The following COBL variants were observed in gnomAD, a reference collection of about 807,000 sequenced individuals.
COBL encodes the protein cordon-bleu WH2 repeat protein.
COBL carries 51 observed loss-of-function variants against 98.8 expected under a neutral mutation model. That is an observed-to-expected ratio of 0.52 (90% CI 0.41 to 0.65). The LOEUF (loss-of-function observed/expected upper bound fraction) is 0.65. COBL is among the 30% of genes least tolerant of loss of function. The pLI is 0.00. For synonymous variants in COBL, 634 were observed against 651.7 expected (o/e 0.97, Z 0.41); for missense variants, 1,617 against 1,617.5 (o/e 1.00, Z 0.01).
intron 5 of COBL, 37 bp downstream of exon 5, chr7:51,184,065 A>T: frequency 9.4e-7 from 1 of 1,066,520 alleles, no homozygotes; most frequent in Non-Finnish European, 1.4e-6. Flanking sequence ...TATTTTTTTT[A>T]CATGATACAA....
chr7:51,121,530 G>C (rs1330000346), intron 6 of COBL, among the ~76,000 whole-genome samples: 1 of 152,148 alleles, frequency 6.6e-6, no homozygotes, highest in Non-Finnish European at 1.5e-5. Flanking sequence ...CTAAAATTTT[G>C]TAAGTTTGGT....
chr7:51,032,462 G>C (rs947356463), intron 8 of COBL: 2 of 152,350 alleles, frequency 1.3e-5, no homozygotes, highest in African/African-American at 2.4e-5. Flanking sequence ...TAAAAATTGA[G>C]GACCAATTTC....
chr7:51,225,457 G>C (rs1370345236), intron 1 of COBL, among the ~76,000 whole-genome samples: 1 of 152,266 alleles, frequency 6.6e-6, no homozygotes, highest in East Asian at 1.9e-4. Flanking sequence ...CACACAGGCT[G>C]GGTAATCCAG....
intron 1 of COBL, among the ~76,000 whole-genome samples, chr7:51,301,707 G>A (rs1241189773): frequency 2.0e-5 from 3 of 152,256 alleles, no homozygotes; most frequent in East Asian, 1.9e-4. Flanking sequence ...CCACCGCTAC[G>A]TGGTTCCAAG....
intron 5 of COBL, among the ~76,000 whole-genome samples, chr7:51,140,147 CA>C (rs1799600270): frequency 6.6e-6 from 1 of 152,150 alleles, no homozygotes; most frequent in Non-Finnish European, 1.5e-5. Flanking sequence ...TAAGAAAAAG[CA>C]ATGAATAACA....
chr7:51,196,684 T>C (rs1790627019), intron 2 of COBL, among the ~76,000 whole-genome samples: 1 of 152,118 alleles, frequency 6.6e-6, no homozygotes, highest in South Asian at 2.1e-4. Context: ...AGGCTATTTA[T>C]TACTGATTCT....
intron 6 of COBL, 28 bp from the exon 7 acceptor site, chr7:51,085,332 A>G (rs778365416): frequency 4.4e-5 from 22 of 499,780 alleles, no homozygotes; most frequent in South Asian, 1.6e-4. Context: ...GGAAAGTACA[A>G]TCAAAGTACT....
At chr7:51,129,198 C>T (rs535857064) in intron 6 of COBL, among the ~76,000 whole-genome samples, 75 of 152,204 alleles carry the variant, frequency 4.9e-4, no homozygotes, top group African/African-American at 1.5e-3. Context: ...AAACAACAGA[C>T]GCTGATTTCT....
intron 6 of COBL, among the ~76,000 whole-genome samples, chr7:51,095,903 A>G (rs912341467): frequency 6.6e-6 from 1 of 152,212 alleles, no homozygotes; most frequent in Non-Finnish European, 1.5e-5. Flanking sequence ...ACATTGACAT[A>G]ATTGAAAGTA....
At chr7:51,177,854 G>GT (rs1788545508) in intron 5 of COBL, among the ~76,000 whole-genome samples, 1 of 151,394 alleles carries the variant, frequency 6.6e-6, no homozygotes, top group African/African-American at 2.4e-5. Flanking sequence ...TAAAAATATA[G>GT]TTTTTGTTGG....
chr7:51,125,623 T>C (rs1583877548), intron 6 of COBL, among the ~76,000 whole-genome samples: 1 of 152,174 alleles, frequency 6.6e-6, no homozygotes, highest in Admixed American at 6.5e-5. Context: ...CTATCACCTA[T>C]AAAACAGAGA....
At chr7:51,084,949 C>T (rs77366962) in intron 7 of COBL, among the ~76,000 whole-genome samples, 1 of 152,128 alleles carries the variant, frequency 6.6e-6, no homozygotes, top group Non-Finnish European at 1.5e-5. Context: ...CACCGTCCCC[C>T]GCCTCCTAAA....
At chr7:51,308,021 A>G (rs1186075178) in intron 1 of COBL, among the ~76,000 whole-genome samples, 1 of 152,220 alleles carries the variant, frequency 6.6e-6, no homozygotes, top group African/African-American at 2.4e-5. Context: ...CCCAAAACCA[A>G]TTCTACCTGG....
At chr7:51,177,512 G>A (rs866187910) in intron 5 of COBL, among the ~76,000 whole-genome samples, 15 of 152,228 alleles carry the variant, frequency 9.9e-5, no homozygotes, top group African/African-American at 3.4e-4. Flanking sequence ...AGTGGCTCAC[G>A]CCTGTAATCC....
In COBL at chr7:51,028,805, A is replaced by G. The variant is rs745807552; in HGVS notation, c.2291T>C (p.Ile764Thr). 3.3e-5 allele frequency: 53 copies of G among 1,614,022 alleles called. No individual in the cohort carries two copies. The highest frequency in any genetic ancestry group is 4.2e-5 in the Non-Finnish European group (49 of 1,180,042). ...CCTCCAGAACTCTCTGACTTTCCCA[A>G]TGGGCTGAGATTCTGCTTCAGGCAC... ...SSVPEAESQP[I>T]GKVREFWRCN... The change falls in exon 10 of 13, where the codon ATT becomes ACT. Residue 764 changes from isoleucine to threonine, a missense_variant. Ile to Thr is a moderately conservative substitution (Grantham distance 89). Around this residue, in one of 3 missense-constraint regions of COBL, gnomAD observed 1,304 missense variants for 1,282.0 expected, o/e 1.02. Coordinates refer to ENST00000265136, the MANE Select transcript of COBL (RefSeq NM_015198.5).
At position 51,085,152 on chromosome 7, in the gene COBL, C is replaced by A. The variant is rs1440859260; in HGVS notation, c.1096+14G>T. 1.2e-6 allele frequency: 2 copies of A among 1,613,546 alleles called. No individual in the cohort carries two copies. Among genetic ancestry groups the A allele is most frequent in the Non-Finnish European group, 1.7e-6 (2 of 1,179,908 alleles). On this transcript the variant is annotated intron_variant, in intron 7 of 12. Transcript: ENST00000265136. ...GCATCCCCGCATGCAGACGGCAGGC[C>A]GAGCCTCACTCACCCATCGTGCTCT...
chr7:51,066,332 C>T (rs11769943), intron 7 of COBL, among the ~76,000 whole-genome samples: 45,666 of 151,996 alleles, frequency 0.3, 7,689 homozygotes, highest in East Asian at 0.46. Context: ...CACGCACCAC[C>T]TCCTCCACTT....
At position 51,016,542 on chromosome 7, in the gene COBL, C is replaced by T. The variant is rs527329730; in HGVS notation, c.*1009G>A. ...CATTATAAATATTGGTGACTGGGCACCATGTGAGAAGACCACGATATCATA... is the reference window on the plus strand; with the variant it reads ...CATTATAAATATTGGTGACTGGGCATCATGTGAGAAGACCACGATATCATA... On this transcript the variant is annotated 3_prime_UTR_variant, in exon 13 of 13. Coordinates refer to ENST00000265136, the MANE Select transcript of COBL (RefSeq NM_015198.5). 2.7e-4 allele frequency: 46 copies of T among 170,398 alleles called. No homozygotes were observed. Among genetic ancestry groups the T allele is most frequent in the South Asian group, 1.4e-3 (7 of 4,980 alleles). The allele number at this position is 170,398 out of a possible 1,614,324, so 10.6% of individuals were successfully genotyped here.
chr7:51,019,801 T>C (rs1315331377), intron 12 of COBL, among the ~76,000 whole-genome samples: 1 of 152,156 alleles, frequency 6.6e-6, no homozygotes, highest in African/African-American at 2.4e-5. Context: ...AAACCAGGGG[T>C]GATGCAATTG....
Sources: gnomAD v4.1 joint callset for allele counts (sites outside exome capture counted in the v4.1 genomes callset) on GRCh38, gnomAD v4.1.1 for gene constraint, gnomAD v4.1.1 regional missense constraint, MANE v1.5 for transcripts, NCBI Gene and HGNC (gene_info 2026-07-23, HGNC 2026-07-21) for gene names.